The following SLC15A1 variants were observed in gnomAD, a reference collection of about 807,000 sequenced individuals.
SLC15A1 encodes solute carrier family 15 member 1.
Under a neutral mutation model 92.9 loss-of-function variants are expected in SLC15A1, and 83 were observed. That is an observed-to-expected ratio of 0.89 (90% confidence interval 0.75 to 1.07). The LOEUF is 1.07. Among genes scored for constraint, SLC15A1 ranks in the 50% least tolerant of loss-of-function variants. The pLI is 0.00. For missense variants in SLC15A1, 857 were observed against 880.1 expected (o/e 0.97, Z 0.33); for synonymous variants, 322 against 318.2 (o/e 1.01, Z -0.13).
intron 1 of SLC15A1, among the ~76,000 whole-genome samples, chr13:98,742,497 G>T (rs1473192146): frequency 2.6e-5 from 4 of 152,176 alleles, no homozygotes; most frequent in African/African-American, 9.6e-5. Flanking sequence ...GTTTGCCAGG[G>T]CTGTCTTACA....
In SLC15A1 at chr13:98,684,780, G is replaced by GT; in HGVS notation, c.2070dup (p.Leu691ThrfsTer5). ...ATGAAATATGGGTTACTCTTTTCCA[G>GT]TCTGTTTTTCTTTTCATCCTCATCA... On this transcript the variant is annotated frameshift_variant, in exon 23 of 23. Coordinates refer to ENST00000376503, the MANE Select transcript of SLC15A1 (RefSeq NM_005073.4). LOFTEE classifies it low-confidence loss of function (END_TRUNC). The GT allele has an allele frequency of 6.2e-7, 1 of 1,614,010 alleles. No individual in the cohort carries two copies. The highest frequency in any genetic ancestry group is 8.5e-7 in the Non-Finnish European group (1 of 1,180,010).
At chr13:98,706,113 C>G (rs775823801) in intron 16 of SLC15A1, 21 bp downstream of exon 16, 2 of 1,595,528 alleles carry the variant, frequency 1.3e-6, no homozygotes, top group Non-Finnish European at 1.7e-6. Context: ...AAAAAGAAGG[C>G]AGCAATTTCC....
chr13:98,709,862 C>G lies in SLC15A1; in HGVS notation c.945+5G>C, dbSNP rs1319626698. ...AAGAAACTAAAACAAAGGAGTCAAA[C>G]TTACGATTTTCCCGGACATAGTTGT... On this transcript the variant is annotated splice_donor_5th_base_variant and intron_variant, in intron 12 of 22. Transcript: ENST00000376503. 6.2e-7 allele frequency: 1 copy of G among 1,614,186 alleles called. No individual in the cohort carries two copies. The highest frequency in any genetic ancestry group is 8.5e-7 in the Non-Finnish European group (1 of 1,180,016).
intron 15 of SLC15A1, among the ~76,000 whole-genome samples, 176 bp downstream of exon 15, chr13:98,708,510 C>A (rs1593990025): frequency 6.6e-6 from 1 of 152,238 alleles, no homozygotes; most frequent in East Asian, 1.9e-4. Flanking sequence ...CCTGCTGAAG[C>A]CCACCCACTG....
chr13:98,713,408 A>G (rs145316964), intron 9 of SLC15A1, among the ~76,000 whole-genome samples: 1 of 152,260 alleles, frequency 6.6e-6, no homozygotes, highest in African/African-American at 2.4e-5. Context: ...CTTGATCTGT[A>G]TTTAGGTTTT....
In SLC15A1 at chr13:98,709,563, G is replaced by A. The variant is rs201817346; in HGVS notation, c.1067+9C>T. On this transcript the variant is annotated intron_variant, in intron 14 of 22. Transcript: ENST00000376503. Reference sequence around the variant, plus strand: ...GAGCCTCAACCAACCCAACCCACCCGTCACCTACGTGAAATTGAAGCCACA... The same window carrying A: ...GAGCCTCAACCAACCCAACCCACCCATCACCTACGTGAAATTGAAGCCACA... The A allele has an allele frequency of 7.8e-5, 126 of 1,613,348 alleles. 1 individual carries two copies. The highest frequency in any genetic ancestry group is 6.4e-4 in the South Asian group (58 of 90,964).
intron 1 of SLC15A1, among the ~76,000 whole-genome samples, chr13:98,737,476 C>T (rs1349637247): frequency 6.6e-6 from 1 of 152,118 alleles, no homozygotes; most frequent in African/African-American, 2.4e-5. Flanking sequence ...TATGTGAACA[C>T]TAGAACTTAA....
At chr13:98,701,027 C>T (rs1417306509) in intron 18 of SLC15A1, among the ~76,000 whole-genome samples, 1 of 152,090 alleles carries the variant, frequency 6.6e-6, no homozygotes, top group Non-Finnish European at 1.5e-5. Context: ...TTTGCCTTTC[C>T]ATATACATTT....
chr13:98,726,939 CT>C, intron 1 of SLC15A1, 80 bp from the exon 2 acceptor site: 1 of 1,433,720 alleles, frequency 7.0e-7, no homozygotes, highest in Non-Finnish European at 9.8e-7. Flanking sequence ...GAGCCTCTGA[CT>C]TTTTAGGGTG....
In SLC15A1 at chr13:98,684,889, C is replaced by G. The variant is rs143994270; in HGVS notation, c.1962G>C (p.Ala654=). 6.2e-7 allele frequency: 1 copy of G among 1,613,538 alleles called. No homozygotes were observed. Among genetic ancestry groups the G allele is most frequent in the East Asian group, 2.2e-5 (1 of 44,866 alleles). ...AAATTACACAGACGACCAGAAGCAA[C>G]GCGGCAAATAGAATGTACTCGGCCC... ...KQWAEYILFA[A]LLLVVCVIFA... is the part of the protein sequence containing the mutation. The change falls in exon 23 of 23, where the codon GCG becomes GCC. Residue 654 remains alanine (A), a synonymous_variant. Transcript: ENST00000376503.
At chr13:98,748,383 T>C (rs989187275) in intron 1 of SLC15A1, among the ~76,000 whole-genome samples, 7 of 152,152 alleles carry the variant, frequency 4.6e-5, no homozygotes, top group Non-Finnish European at 8.8e-5. Context: ...CTCCACCTCC[T>C]GGGCTCAAGT....
intron 18 of SLC15A1, among the ~76,000 whole-genome samples, chr13:98,693,057 G>A (rs1229761195): frequency 2.9e-5 from 4 of 137,088 alleles, no homozygotes; most frequent in Admixed American, 7.5e-5. Context: ...CAGTTTACCC[G>A]CATCCTTAAC....
In SLC15A1 at chr13:98,726,179, G is replaced by A. The variant is rs755962175; in HGVS notation, c.189C>T (p.Cys63=). 1 of 1,614,128 alleles carries A rather than the reference G, an allele frequency of 6.2e-7. No homozygotes were observed. The highest frequency in any genetic ancestry group is 1.1e-5 in the South Asian group (1 of 91,062). ...TAIYHTFVAL[C]YLTPILGALI... ...GAGCTCCGAGAATTGGCGTCAGGTA[G>A]CACAGAGCCACAAACGTATGGTAGA... Residue 63 remains cysteine, a synonymous_variant, in exon 4 of 23, where the codon TGC becomes TGT. Coordinates refer to ENST00000376503, the MANE Select transcript of SLC15A1 (RefSeq NM_005073.4).
chr13:98,715,493 T>G (rs959418628), intron 9 of SLC15A1, among the ~76,000 whole-genome samples: 1 of 152,154 alleles, frequency 6.6e-6, no homozygotes, highest in East Asian at 1.9e-4. Flanking sequence ...CTCTTAATTC[T>G]TGAAAGCAGC....
chr13:98,711,761 T>G, intron 11 of SLC15A1, 93 bp downstream of exon 11: 1 of 837,288 alleles, frequency 1.2e-6, no homozygotes, highest in East Asian at 2.5e-5. Context: ...GGAGAACTTT[T>G]TAGATGTGAA....
chr13:98,721,179 C>T (rs773348672), intron 7 of SLC15A1: 28 of 546,944 alleles, frequency 5.1e-5, no homozygotes, highest in South Asian at 9.2e-5. Context: ...AGCTTGGCTT[C>T]CAAGGCACCT....
chr13:98,744,815 T>C (rs2088480232), intron 1 of SLC15A1, among the ~76,000 whole-genome samples: 1 of 150,976 alleles, frequency 6.6e-6, no homozygotes, highest in Non-Finnish European at 1.5e-5. Context: ...AATATTTGGG[T>C]TGCACATGGC....
intron 1 of SLC15A1, among the ~76,000 whole-genome samples, chr13:98,736,041 C>G (rs1007014703): frequency 9.2e-5 from 14 of 152,056 alleles, no homozygotes; most frequent in Admixed American, 9.2e-4. Context: ...CAAGACAATC[C>G]CAAGCAAAAA....
chr13:98,742,687 A>C (rs531417195), intron 1 of SLC15A1, among the ~76,000 whole-genome samples: 5 of 152,116 alleles, frequency 3.3e-5, no homozygotes, highest in African/African-American at 1.2e-4. Flanking sequence ...GTCTTGTAAG[A>C]ACATCACCTC....
Sources: allele counts gnomAD v4.1 joint callset (sites outside exome capture counted in the v4.1 genomes callset), GRCh38; gene constraint gnomAD v4.1.1; transcripts MANE v1.5; gene names NCBI Gene and HGNC (gene_info 2026-07-23, HGNC 2026-07-21).